Variants in DCLK1 observed in about 807,000 individuals in gnomAD.
DCLK1 encodes the protein doublecortin like kinase 1.
In DCLK1, 16 loss-of-function variants were observed where a neutral mutation model predicts 86.2. The observed-to-expected ratio is 0.19, with a 90% CI of 0.13 to 0.28. The LOEUF (loss-of-function observed/expected upper bound fraction) is 0.28. Ranked by LOEUF, DCLK1 falls within the 10% of genes least tolerant of loss-of-function variation. DCLK1 has a pLI of 1.00. For synonymous variants in DCLK1, 369 were observed against 370.5 expected (o/e 1.00, Z 0.05); for missense variants, 590 against 940.2 (o/e 0.63, Z 4.87).
At chr13:35,897,159 A>C (rs566653016) in intron 4 of DCLK1, among the ~76,000 whole-genome samples, 1 of 152,274 alleles carries the variant, frequency 6.6e-6, no homozygotes, top group African/African-American at 2.4e-5. Flanking sequence ...GGTATTTGGG[A>C]CCATTTAAAG....
intron 3 of DCLK1, among the ~76,000 whole-genome samples, chr13:35,987,954 C>T (rs1880023015): frequency 6.6e-6 from 1 of 152,212 alleles, no homozygotes. Flanking sequence ...GCAGCCCATC[C>T]TCAGGGGTCC....
At chr13:35,861,862 TAA>T (rs1251216587) in intron 5 of DCLK1, among the ~76,000 whole-genome samples, 1 of 139,262 alleles carries the variant, frequency 7.2e-6, no homozygotes, top group Non-Finnish European at 1.6e-5. Context: ...CCGTCTCTAC[TAA>T]AAAAAAAAAA....
At chr13:36,108,812 A>AGGTG (rs1885502583) in intron 3 of DCLK1, among the ~76,000 whole-genome samples, 1 of 152,218 alleles carries the variant, frequency 6.6e-6, no homozygotes, top group South Asian at 2.1e-4. Flanking sequence ...TTTTTTAAAA[A>AGGTG]GGTGGGACAA....
At chr13:35,861,279 A>G (rs1425724403) in intron 5 of DCLK1, among the ~76,000 whole-genome samples, 2 of 152,196 alleles carry the variant, frequency 1.3e-5, no homozygotes, top group Non-Finnish European at 2.9e-5. Flanking sequence ...GACCAACTAG[A>G]GTCCTGTGAT....
chr13:35,877,120 C>A (rs1356868377), intron 4 of DCLK1, among the ~76,000 whole-genome samples: 1 of 152,180 alleles, frequency 6.6e-6, no homozygotes, highest in African/African-American at 2.4e-5. Context: ...ATTCCCCACA[C>A]GATCTATACA....
intron 3 of DCLK1, among the ~76,000 whole-genome samples, chr13:36,000,496 G>A (rs896290648): frequency 6.6e-6 from 1 of 152,044 alleles, no homozygotes; most frequent in African/African-American, 2.4e-5. Context: ...GCTGCATTAA[G>A]AGCGGGATAC....
intron 4 of DCLK1, among the ~76,000 whole-genome samples, chr13:35,910,234 C>G (rs951278204): frequency 6.6e-6 from 1 of 152,096 alleles, no homozygotes; most frequent in Non-Finnish European, 1.5e-5. Context: ...CTGAAATGCA[C>G]GAACAGTCAA....
At chr13:36,033,125 C>T (rs1882352645) in intron 3 of DCLK1, among the ~76,000 whole-genome samples, 1 of 152,200 alleles carries the variant, frequency 6.6e-6, no homozygotes, top group Admixed American at 6.5e-5. Context: ...CCTACACTCA[C>T]GCTTTTAAAA....
intron 11 of DCLK1, among the ~76,000 whole-genome samples, chr13:35,813,426 T>C (rs4943339): frequency 0.62 from 94,772 of 151,988 alleles, 31,958 homozygotes; most frequent in African/African-American, 0.88. Flanking sequence ...AATTCTCCTA[T>C]ATGTAGGAAA....
At chr13:35,926,328 G>T (rs1876117791) in intron 4 of DCLK1, among the ~76,000 whole-genome samples, 1 of 152,194 alleles carries the variant, frequency 6.6e-6, no homozygotes, top group Non-Finnish European at 1.5e-5. Flanking sequence ...AAAGTGCTGG[G>T]ATTACAGGCG....
At chr13:35,822,315 G>A (rs957475487) in intron 11 of DCLK1, among the ~76,000 whole-genome samples, 4 of 143,322 alleles carry the variant, frequency 2.8e-5, no homozygotes, top group South Asian at 2.2e-4. Flanking sequence ...TACGATGTCC[G>A]GCTAATTAAA....
At chr13:35,825,313 G>A (rs1183706009) in intron 10 of DCLK1, among the ~76,000 whole-genome samples, 3 of 152,126 alleles carry the variant, frequency 2.0e-5, no homozygotes, top group East Asian at 1.9e-4. Flanking sequence ...TCCTCAGGGC[G>A]TTCTGGGTGA....
chr13:35,932,504 A>G (rs1474815450), intron 4 of DCLK1, among the ~76,000 whole-genome samples: 2 of 152,226 alleles, frequency 1.3e-5, no homozygotes, highest in Non-Finnish European at 2.9e-5. Flanking sequence ...AAGAGGTTTA[A>G]TTGGACTTTA....
At chr13:36,023,058 C>G (rs1257353269) in intron 3 of DCLK1, among the ~76,000 whole-genome samples, 1 of 152,116 alleles carries the variant, frequency 6.6e-6, no homozygotes, top group Non-Finnish European at 1.5e-5. Flanking sequence ...CCATTAGCAA[C>G]AGGAATTATT....
intron 16 of DCLK1, among the ~76,000 whole-genome samples, chr13:35,788,530 AC>A (rs1450447960): frequency 2.6e-5 from 4 of 152,202 alleles, no homozygotes; most frequent in African/African-American, 9.6e-5. Flanking sequence ...TTTTTGAATG[AC>A]CATTTTAATC....
intron 3 of DCLK1, among the ~76,000 whole-genome samples, chr13:35,958,090 TCACCACCGCTATAACCAC>T (rs1878148627): frequency 4.9e-4 from 3 of 6,136 alleles, no homozygotes; most frequent in African/African-American, 2.1e-3. Flanking sequence ...ACTATAACCA[TCACCACCGCTATAACCAC>T]CATCACCACC....
intron 2 of DCLK1, among the ~76,000 whole-genome samples, chr13:36,116,871 T>C (rs188063700): frequency 3.3e-5 from 5 of 152,342 alleles, no homozygotes; most frequent in African/African-American, 7.2e-5. Flanking sequence ...GTTTACAGAA[T>C]AGAATATCGT....
At chr13:35,846,545 T>A (rs1481894312) in intron 6 of DCLK1, 1 of 985,230 alleles carries the variant, frequency 1.0e-6, no homozygotes, top group Non-Finnish European at 1.2e-6. Context: ...TTAAAAATTA[T>A]AGTGAGGGCC....
At chr13:36,070,286 G>A (rs1319788134) in intron 3 of DCLK1, among the ~76,000 whole-genome samples, 1 of 152,070 alleles carries the variant, frequency 6.6e-6, no homozygotes, top group Non-Finnish European at 1.5e-5. Context: ...TTATCTCACG[G>A]GATGGTTCTG....
Sources: allele counts gnomAD v4.1 joint callset (sites outside exome capture counted in the v4.1 genomes callset), GRCh38; gene constraint gnomAD v4.1.1; transcripts MANE v1.5; gene names NCBI Gene and HGNC (gene_info 2026-07-23, HGNC 2026-07-21).